The following UNC45B variants were observed in gnomAD, a reference collection of about 807,000 sequenced individuals.
The protein encoded by UNC45B is unc-45 myosin chaperone B, also known as protein unc-45 homolog B.
A neutral mutation model predicts 98.7 loss-of-function variants in UNC45B; 78 were observed. The ratio of observed to expected loss-of-function variants is 0.79; its 90% confidence interval spans 0.66 to 0.95. The LOEUF (loss-of-function observed/expected upper bound fraction) is 0.95. UNC45B is among the 40% of genes least tolerant of loss of function. The pLI, the probability that UNC45B is intolerant of heterozygous loss-of-function variation, is 0.00. For synonymous variants in UNC45B, 462 were observed against 480.4 expected (o/e 0.96, Z 0.50); for missense variants, 1,225 against 1,184.9 (o/e 1.03, Z -0.50).
At chr17:35,154,306 G>A (rs1248463463) in intron 5 of UNC45B, among the ~76,000 whole-genome samples, 1 of 152,146 alleles carries the variant, frequency 6.6e-6, no homozygotes. Flanking sequence ...GCATACCAAT[G>A]CTTTTTCCAT....
rs747775011 is a variant in UNC45B, at chr17:35,155,329, C to T, written c.673C>T (p.Arg225Ter). The T allele has an allele frequency of 1.7e-5, 28 of 1,614,104 alleles. No homozygotes were observed. Among genetic ancestry groups the T allele is most frequent in the Admixed American group, 3.3e-5 (2 of 60,026 alleles). The change falls in exon 7 of 20, where the codon CGA becomes TGA. Residue 225 changes from arginine (R) to a stop codon, truncating the protein, a stop_gained. Coordinates refer to ENST00000394570, the MANE Select transcript of UNC45B (RefSeq NM_001267052.2). LOFTEE classifies it high-confidence loss of function. ...TVILHAVRID[R>*]ICSLMAVENE... ...GATTCTGCATGCAGTGCGGATAGAC[C>T]GAATCTGTAGCCTCATGGCCGTGGA...
Position 35,177,127 on chromosome 17 carries a change from G to A in UNC45B, c.2136G>A (p.Glu712=). 3.1e-6 allele frequency: 5 copies of A among 1,614,016 alleles called. No homozygotes were observed. The highest frequency in any genetic ancestry group is 4.2e-6 in the Non-Finnish European group (5 of 1,179,938). ...VSNPDIAFPG[E]RVYEVVRPLV... Reference sequence around the variant, plus strand: ...ATCCGGACATTGCTTTTCCTGGGGAGCGGGTAGGTGCTTGGGTAGATGGGA... The same window carrying A: ...ATCCGGACATTGCTTTTCCTGGGGAACGGGTAGGTGCTTGGGTAGATGGGA... The change falls in exon 16 of 20, where the codon GAG becomes GAA. Residue 712 remains glutamate (E), a synonymous_variant. Coordinates refer to ENST00000394570, the MANE Select transcript of UNC45B (RefSeq NM_001267052.2).
rs536648964 is a variant in UNC45B, at chr17:35,159,419, A to G, written c.853A>G (p.Met285Val). Reference protein sequence around the residue: ...LKQITSHLLDMLVSKKVSGQG... With the variant: ...LKQITSHLLDVLVSKKVSGQG... ...GCAGATCACCAGCCACCTGCTGGAC[A>G]TGCTAGTCAGCAAGAAGGTGTCTGG... The change falls in exon 8 of 20, where the codon ATG (methionine) becomes GTG (valine). Residue 285 changes from methionine (M) to valine (V), a missense_variant. Coordinates refer to ENST00000394570, the MANE Select transcript of UNC45B (RefSeq NM_001267052.2). 6.2e-7 allele frequency: 1 copy of G among 1,614,104 alleles called. No homozygotes were observed. The highest frequency in any genetic ancestry group is 2.2e-5 in the East Asian group (1 of 44,880).
chr17:35,176,952 C>G, intron 15 of UNC45B, 65 bp from the exon 16 acceptor site: 3 of 1,296,704 alleles, frequency 2.3e-6, no homozygotes, highest in Non-Finnish European at 3.3e-6. Context: ...GCACCTGGAG[C>G]AGGAGGATAG....
intron 17 of UNC45B, among the ~76,000 whole-genome samples, chr17:35,178,966 G>A (rs2092255105): frequency 6.6e-6 from 1 of 152,186 alleles, no homozygotes; most frequent in Admixed American, 6.5e-5. Context: ...TTGAAGTCAG[G>A]TAGCGTGATA....
In UNC45B at chr17:35,168,145, G is replaced by T. The variant is rs1464883662; in HGVS notation, c.1236G>T (p.Leu412=). ...VSGILQGPFD[L]GNQLLGLKGV... ...GGATCCTGCAGGGCCCCTTTGACCT[G>T]GGCAACCAGCTGCTGGGACTGAAAG... Residue 412 remains leucine (L), a synonymous_variant, in exon 10 of 20, where the codon CTG becomes CTT. Coordinates refer to ENST00000394570, the MANE Select transcript of UNC45B (RefSeq NM_001267052.2). 1.2e-6 allele frequency: 2 copies of T among 1,601,900 alleles called. No homozygotes were observed. Among genetic ancestry groups the T allele is most frequent in the Non-Finnish European group, 8.5e-7 (1 of 1,173,670 alleles).
At position 35,169,126 on chromosome 17, in the gene UNC45B, G is replaced by A. The variant is rs998084943; in HGVS notation, c.1453-711G>A. 3.3e-5 allele frequency among the ~76,000 whole-genome samples: 5 copies of A among 152,034 alleles called. No individual in the cohort carries two copies. In the East Asian group the frequency reaches 5.8e-4, roughly 18 times the overall value. ...ATGATCTCGGCTTACTGCAACCACC[G>A]CCTCCTGGGTTCAAACGATTCTCCT... is the stretch of plus-strand genomic sequence containing the variant. On this transcript the variant is annotated intron_variant, in intron 10 of 19. Transcript: ENST00000394570.
chr17:35,175,308 G>A (rs1471109891), intron 14 of UNC45B, among the ~76,000 whole-genome samples: 3 of 152,156 alleles, frequency 2.0e-5, no homozygotes, highest in African/African-American at 4.8e-5. Context: ...GGCCAGGGAG[G>A]CAGGCAAGAT....
chr17:35,161,639 C>T (rs944539456), intron 8 of UNC45B, among the ~76,000 whole-genome samples: 3 of 152,168 alleles, frequency 2.0e-5, no homozygotes, highest in Non-Finnish European at 2.9e-5. Flanking sequence ...CATATTTGGT[C>T]TCTGCTGCTG....
intron 17 of UNC45B, among the ~76,000 whole-genome samples, chr17:35,180,253 T>TGAGAGAGAGAGAGAGAGAGAGAGAGA (rs56300196): frequency 1.4e-5 from 2 of 139,960 alleles, no homozygotes; most frequent in East Asian, 4.6e-4. Flanking sequence ...ACATCCAGGA[T>TGAGAGAGAGAGAGAGAGAGAGAGAGA]GAGAGAGAGA....
chr17:35,148,900 T>C (rs2091995978), intron 2 of UNC45B, 73 bp from the exon 3 acceptor site: 2 of 1,589,196 alleles, frequency 1.3e-6, no homozygotes, highest in African/African-American at 1.3e-5. Flanking sequence ...CCCCACACTG[T>C]GGGGACACTC....
chr17:35,182,225 G>T (rs933360939), intron 18 of UNC45B, among the ~76,000 whole-genome samples: 1 of 151,992 alleles, frequency 6.6e-6, no homozygotes, highest in Non-Finnish European at 1.5e-5. Flanking sequence ...GAGTAACTGG[G>T]ACTACAGGCG....
intron 4 of UNC45B, among the ~76,000 whole-genome samples, chr17:35,150,796 A>C (rs968061444): frequency 1.3e-5 from 2 of 149,180 alleles, no homozygotes; most frequent in South Asian, 4.4e-4. Context: ...GAGGCTTAGA[A>C]ATATTATTAT....
intron 11 of UNC45B, 79 bp from the exon 12 acceptor site, chr17:35,170,035 G>C: frequency 1.2e-6 from 2 of 1,603,228 alleles, no homozygotes; most frequent in South Asian, 1.1e-5. Flanking sequence ...CTCACCCCTG[G>C]TTCACCACCC....
Position 35,163,123 on chromosome 17 carries a change from T to C in UNC45B, c.980-872T>C, listed in dbSNP as rs113549990. Among the ~76,000 whole-genome samples, 233 of 152,380 alleles carry C rather than the reference T, an allele frequency of 1.5e-3. 3 individuals carry two copies. Among genetic ancestry groups the C allele is most frequent in the African/African-American group, 4.9e-3 (204 of 41,608 alleles). ...TCTGAAAGATGGAAATAATGATTCCTAACCAGCAGGGTTATTGTTAGGATT... is the reference window on the plus strand; with the variant it reads ...TCTGAAAGATGGAAATAATGATTCCCAACCAGCAGGGTTATTGTTAGGATT... On this transcript the variant is annotated intron_variant, in intron 8 of 19. Coordinates refer to ENST00000394570, the MANE Select transcript of UNC45B (RefSeq NM_001267052.2).
intron 10 of UNC45B, among the ~76,000 whole-genome samples, chr17:35,169,579 G>C (rs2092167585): frequency 6.6e-6 from 1 of 152,100 alleles, no homozygotes; most frequent in Admixed American, 6.5e-5. Context: ...ATACATCTGT[G>C]GGGTCAAAAT....
At chr17:35,153,709 TG>T (rs1032517196) in intron 5 of UNC45B, among the ~76,000 whole-genome samples, 3 of 151,480 alleles carry the variant, frequency 2.0e-5, no homozygotes, top group Admixed American at 1.3e-4. Flanking sequence ...TTTGTTTATT[TG>T]GTTTTTTTTT....
At chr17:35,175,097 G>T (rs2092222940) in intron 14 of UNC45B, among the ~76,000 whole-genome samples, 1 of 139,202 alleles carries the variant, frequency 7.2e-6, no homozygotes, top group Non-Finnish European at 1.6e-5. Flanking sequence ...GAGAAAGAAA[G>T]AAAAAAGAAA....
chr17:35,164,024 C>A lies in UNC45B; in HGVS notation c.1009C>A (p.Gln337Lys). 2 of 1,613,624 alleles carry A rather than the reference C, an allele frequency of 1.2e-6. No individual in the cohort carries two copies. Among genetic ancestry groups the A allele is most frequent in the East Asian group, 2.2e-5 (1 of 44,836 alleles). ...GAGGAAGATCCTGAAGGTTGTGGGG[C>A]AGGTTCCAGATCTGCCATCCTGCCT... ...GLRKILKVVG[Q>K]VPDLPSCLPL... is the part of the protein sequence containing the mutation. The change falls in exon 9 of 20, where the codon CAG becomes AAG. Residue 337 changes from glutamine (Q) to lysine (K), a missense_variant. Transcript: ENST00000394570.
Sources: allele counts gnomAD v4.1 joint callset (sites outside exome capture counted in the v4.1 genomes callset), GRCh38; gene constraint gnomAD v4.1.1; transcripts MANE v1.5; gene names NCBI Gene and HGNC (gene_info 2026-07-23, HGNC 2026-07-21).